The following AFF2 variants were observed in gnomAD, a reference collection of about 807,000 sequenced individuals.
The protein encoded by AFF2 is ALF transcription elongation factor 2.
In AFF2, 14 loss-of-function variants were observed where a neutral mutation model predicts 76.9. The observed-to-expected ratio is 0.18, with a 90% confidence interval of 0.12 to 0.28. The LOEUF is 0.28. Among genes scored for constraint, AFF2 ranks in the 10% least tolerant of loss-of-function variants. The pLI is 1.00. For synonymous variants in AFF2, 398 were observed against 366.7 expected (o/e 1.09, Z -0.98); for missense variants, 868 against 1,001.1 (o/e 0.87, Z 1.79).
chrX:148,945,914 C>G (rs2071895052), intron 9 of AFF2, among the ~76,000 whole-genome samples: 1 of 111,649 alleles, frequency 9.0e-6, no homozygotes, highest in Non-Finnish European at 1.9e-5. Context: ...ATGCAGCTGT[C>G]TAGATATGTG....
chrX:148,627,760 T>C (rs1321338155), intron 1 of AFF2, among the ~76,000 whole-genome samples: 1 of 109,926 alleles, frequency 9.1e-6, no homozygotes, highest in Admixed American at 9.7e-5. Flanking sequence ...TGAAATTGAT[T>C]AAAGAAATGA....
chrX:148,694,965 G>A (rs993230904), intron 3 of AFF2, among the ~76,000 whole-genome samples: 2 of 108,788 alleles, frequency 1.8e-5, no homozygotes, highest in Non-Finnish European at 3.8e-5. Flanking sequence ...ACAGGCGCCC[G>A]CCACCATGCT....
At chrX:148,954,894 A>G (rs1020344454) in intron 10 of AFF2, among the ~76,000 whole-genome samples, 1 of 112,342 alleles carries the variant, frequency 8.9e-6, no homozygotes, top group East Asian at 2.8e-4. Flanking sequence ...AGCTCTTCTA[A>G]TAAAACTGAT....
intron 1 of AFF2, among the ~76,000 whole-genome samples, chrX:148,556,618 G>A (rs1482064468): frequency 8.9e-6 from 1 of 111,997 alleles, no homozygotes; most frequent in Non-Finnish European, 1.9e-5. Context: ...GATTAATTTT[G>A]AAAAAAATGA....
intron 9 of AFF2, among the ~76,000 whole-genome samples, chrX:148,952,657 C>T (rs1361123317): frequency 1.8e-5 from 2 of 111,887 alleles, no homozygotes; most frequent in Admixed American, 1.9e-4. Flanking sequence ...TGTTATAGGA[C>T]GCAGAGAGCA....
At chrX:148,652,796 T>C (rs782020473) in intron 2 of AFF2, among the ~76,000 whole-genome samples, 1 of 111,847 alleles carries the variant, frequency 8.9e-6, no homozygotes, top group African/African-American at 3.2e-5. Context: ...TTCTGAACTT[T>C]CTATTTGGGG....
chrX:148,937,652 CACAA>C (rs782029170), intron 9 of AFF2, among the ~76,000 whole-genome samples: 9 of 111,935 alleles, frequency 8.0e-5, no homozygotes, highest in East Asian at 2.8e-4. Flanking sequence ...TTGTTATTCA[CACAA>C]ACAGAGTGTA....
At chrX:148,699,743 T>C (rs1333832540) in intron 3 of AFF2, among the ~76,000 whole-genome samples, 1 of 111,754 alleles carries the variant, frequency 8.9e-6, no homozygotes, top group Non-Finnish European at 1.9e-5. Flanking sequence ...AACTGATGGG[T>C]CCCTGTCTTT....
rs782453911 is a variant in AFF2, at chrX:148,785,535, G to A, written c.1042-24341G>A. ...CAAGACATGTCTGAAAACTGGTGAAGTAGCTCTTCTGTGTCTGTGGGTCAG... is the reference window on the plus strand; with the variant it reads ...CAAGACATGTCTGAAAACTGGTGAAATAGCTCTTCTGTGTCTGTGGGTCAG... On this transcript the variant is annotated intron_variant, in intron 3 of 20. Transcript: ENST00000370460. Among the ~76,000 whole-genome samples the A allele has an allele frequency of 2.7e-5, 3 of 112,028 alleles. No homozygotes were observed. The South Asian group carries it at 1.1e-3, about 42-fold the overall frequency.
At chrX:148,746,560 G>A (rs1557266088) in intron 3 of AFF2, among the ~76,000 whole-genome samples, 1 of 112,406 alleles carries the variant, frequency 8.9e-6, no homozygotes, top group Non-Finnish European at 1.9e-5. Flanking sequence ...AAGGATTTAG[G>A]CTACTGTTTT....
intron 1 of AFF2, among the ~76,000 whole-genome samples, chrX:148,639,985 TAGTA>T (rs2054071298): frequency 8.9e-6 from 1 of 112,415 alleles, no homozygotes; most frequent in South Asian, 3.6e-4. Flanking sequence ...TCATCAATGA[TAGTA>T]AGTTTTGTTT....
chrX:148,907,697 T>TCACAGGAC (rs1280529027), intron 9 of AFF2, among the ~76,000 whole-genome samples: 1 of 111,512 alleles, frequency 9.0e-6, no homozygotes, highest in Admixed American at 9.5e-5. Context: ...CAGGGCGAGA[T>TCACAGGAC]CACAGGACCA....
At chrX:148,733,310 C>T (rs1302442511) in intron 3 of AFF2, among the ~76,000 whole-genome samples, 1 of 111,321 alleles carries the variant, frequency 9.0e-6, no homozygotes, top group Non-Finnish European at 1.9e-5. Context: ...ATCTCCAGTA[C>T]TGTCATCTTA....
intron 1 of AFF2, among the ~76,000 whole-genome samples, chrX:148,531,830 T>G (rs2052733182): frequency 8.9e-6 from 1 of 112,336 alleles, no homozygotes; most frequent in Admixed American, 9.4e-5. Flanking sequence ...TTTATTTTTA[T>G]GTATTTGTTT....
intron 3 of AFF2, among the ~76,000 whole-genome samples, chrX:148,802,945 T>G (rs1304703765): frequency 1.8e-5 from 2 of 112,084 alleles, no homozygotes; most frequent in African/African-American, 6.5e-5. Flanking sequence ...TCTCTAGTTT[T>G]GCAGTCTTCT....
chrX:148,880,287 C>A (rs908064737), intron 7 of AFF2, among the ~76,000 whole-genome samples: 1 of 111,408 alleles, frequency 9.0e-6, no homozygotes, highest in African/African-American at 3.3e-5. Flanking sequence ...GAATGAATTC[C>A]CTGAAAAATA....
At chrX:148,719,897 G>A in intron 3 of AFF2, among the ~76,000 whole-genome samples, 1 of 111,208 alleles carries the variant, frequency 9.0e-6, no homozygotes, top group Admixed American at 9.5e-5. Flanking sequence ...AAGAAATACA[G>A]ACCTATAATG....
At chrX:148,744,968 G>A (rs1557265978) in intron 3 of AFF2, among the ~76,000 whole-genome samples, 2 of 111,372 alleles carry the variant, frequency 1.8e-5, no homozygotes, top group Admixed American at 1.9e-4. Flanking sequence ...CCCTTAATAT[G>A]TAGGACTTTG....
At chrX:148,568,112 A>G (rs1365124779) in intron 1 of AFF2, among the ~76,000 whole-genome samples, 1 of 111,301 alleles carries the variant, frequency 9.0e-6, no homozygotes, top group Non-Finnish European at 1.9e-5. Context: ...AGCATCATAG[A>G]GCCAGAAAGG....
Sources: gnomAD v4.1 joint callset for allele counts (sites outside exome capture counted in the v4.1 genomes callset) on GRCh38, gnomAD v4.1.1 for gene constraint, MANE v1.5 for transcripts, NCBI Gene and HGNC (gene_info 2026-07-23, HGNC 2026-07-21) for gene names.